The following SPTA1 variants were observed in gnomAD, a reference collection of about 807,000 sequenced individuals.
SPTA1 encodes spectrin alpha, erythrocytic 1, also known as spectrin alpha chain, erythrocytic 1.
Under a neutral mutation model 324.7 loss-of-function variants are expected in SPTA1, and 177 were observed. The observed-to-expected ratio is 0.55, with a 90% CI of 0.48 to 0.62. The LOEUF (loss-of-function observed/expected upper bound fraction) is 0.62. Among genes scored for constraint, SPTA1 ranks in the 20% least tolerant of loss-of-function variants. SPTA1 has a pLI of 0.00. For synonymous variants in SPTA1, 1,195 were observed against 1,041.3 expected (o/e 1.15, Z -2.84); for missense variants, 3,162 against 2,883.6 (o/e 1.10, Z -2.21).
intron 30 of SPTA1, among the ~76,000 whole-genome samples, 155 bp from the exon 31 acceptor site, chr1:158,643,580 C>T (rs1231239670): frequency 6.6e-6 from 1 of 152,106 alleles, no homozygotes; most frequent in East Asian, 1.9e-4. Context: ...AGGTGGGTTT[C>T]AACTTAATAG....
At chr1:158,651,945 C>T (rs1205155116) in intron 23 of SPTA1, among the ~76,000 whole-genome samples, 1 of 149,680 alleles carries the variant, frequency 6.7e-6, no homozygotes, top group Non-Finnish European at 1.5e-5. Flanking sequence ...GTGTTAAATC[C>T]CACGTGGAAG....
rs1253079860 is a variant in SPTA1 at position 158,681,557 on chromosome 1, A to G, written c.501T>C (p.Cys167=). The G allele has an allele frequency of 6.2e-7, 1 of 1,613,740 alleles. No individual in the cohort carries two copies. Among genetic ancestry groups the G allele is most frequent in the African/African-American group, 1.3e-5 (1 of 75,008 alleles). ...CTCCAATCCACTCTAAGATGTCAGC[A>G]CACTCCTGTACATACTGCTGGAACT... ...ALKFQQYVQE[C]ADILEWIGDK... The change falls in exon 4 of 52, where the codon TGT becomes TGC. Residue 167 remains cysteine, a synonymous_variant. Transcript: ENST00000643759.
chr1:158,615,521 GA>G, intron 47 of SPTA1, 118 bp from the exon 48 acceptor site: 1 of 1,024,256 alleles, frequency 9.8e-7, no homozygotes, highest in Non-Finnish European at 1.5e-6. Flanking sequence ...TGTTCTCTGT[GA>G]AAAGATGAAC....
Position 158,634,611 on chromosome 1 carries a change from C to T in SPTA1, c.5497G>A (p.Ala1833Thr), listed in dbSNP as rs1557937914. The change falls in exon 39 of 52, where the codon GCT (alanine) becomes ACT (threonine). Residue 1833 changes from alanine (A) to threonine (T), a missense_variant. Transcript: ENST00000643759. ...AAAGCATTCTTTTCATTGATCCAAGCTTCCTCTTCCTCAGCATTCTGCATG... is the reference window on the plus strand; with the variant it reads ...AAAGCATTCTTTTCATTGATCCAAGTTTCCTCTTCCTCAGCATTCTGCATG... ...QFMQNAEEEEAWINEKNALAV... is the reference protein window; with the variant it reads ...QFMQNAEEEETWINEKNALAV... 6.2e-7 allele frequency: 1 copy of T among 1,614,178 alleles called. No homozygotes were observed.
chr1:158,624,265 G>T (rs892252905), intron 42 of SPTA1, among the ~76,000 whole-genome samples: 1 of 152,134 alleles, frequency 6.6e-6, no homozygotes, highest in African/African-American at 2.4e-5. Context: ...CTCCAGAATG[G>T]TAGATCCACC....
intron 25 of SPTA1, among the ~76,000 whole-genome samples, chr1:158,649,201 G>A (rs6675810): frequency 0.073 from 11,054 of 152,270 alleles, 535 homozygotes; most frequent in Non-Finnish European, 0.11. Context: ...TCAATGTGAT[G>A]TCTGTTGCCC....
At chr1:158,654,399 T>C (rs1652678112) in intron 21 of SPTA1, among the ~76,000 whole-genome samples, 1 of 152,228 alleles carries the variant, frequency 6.6e-6, no homozygotes, top group African/African-American at 2.4e-5. Context: ...TTTATGATTT[T>C]AACTGCAACA....
chr1:158,662,410 A>G (rs1653285314), intron 17 of SPTA1, among the ~76,000 whole-genome samples: 1 of 152,156 alleles, frequency 6.6e-6, no homozygotes, highest in South Asian at 2.1e-4. Context: ...GGCATTAACC[A>G]TGACTGTTCA....
At position 158,623,085 on chromosome 1, in the gene SPTA1, A is replaced by G. The variant is rs781446333; in HGVS notation, c.6018T>C (p.Ile2006=). 5 of 1,614,126 alleles carry G rather than the reference A, an allele frequency of 3.1e-6. No homozygotes were observed. Among genetic ancestry groups the G allele is most frequent in the Non-Finnish European group, 2.5e-6 (3 of 1,180,020 alleles). ...TCAGCAGAGCGGCATAACGCTCTTC[A>G]ATGGCTTTAGACTGGTTGTGTTGAG... ...ISAQHNQSKA[I]EERYAALLKR... is the part of the protein sequence containing the mutation. Residue 2006 remains isoleucine (I), a synonymous_variant, in exon 43 of 52, where the codon ATT becomes ATC. Coordinates refer to ENST00000643759, the MANE Select transcript of SPTA1 (RefSeq NM_003126.4).
rs574453760 is a variant in SPTA1 at position 158,613,662 on chromosome 1, G to C, written c.6989+59C>G. On this transcript the variant is annotated intron_variant, in intron 50 of 51. Coordinates refer to ENST00000643759, the MANE Select transcript of SPTA1 (RefSeq NM_003126.4). ...TGTTTTATGGATCATTTTACTCTCT[G>C]TGCTTCTCCCTCCAAACCCCCATCC... is the stretch of plus-strand genomic sequence containing the variant. 1.3e-5 allele frequency: 21 copies of C among 1,608,244 alleles called. No homozygotes were observed. In the African/African-American group the frequency reaches 2.1e-4, roughly 16 times the overall value.
At chr1:158,631,260 T>C (rs1650654005) in intron 39 of SPTA1, among the ~76,000 whole-genome samples, 1 of 152,190 alleles carries the variant, frequency 6.6e-6, no homozygotes, top group Non-Finnish European at 1.5e-5. Flanking sequence ...ATATACATCA[T>C]GGAATAGTAC....
rs370225620 is a variant in SPTA1 at position 158,639,426 on chromosome 1, G to A, written c.4980+156C>T. On this transcript the variant is annotated intron_variant, in intron 35 of 51. Transcript: ENST00000643759. ...CAGTGACAGTTTTAATGTCTTCACAGCCCGTTAATTTTACCTAATTAAAAT... is the reference window on the plus strand; with the variant it reads ...CAGTGACAGTTTTAATGTCTTCACAACCCGTTAATTTTACCTAATTAAAAT... 205 of 731,734 alleles carry A rather than the reference G, an allele frequency of 2.8e-4. No individual in the cohort carries two copies. In the African/African-American group the frequency reaches 3.0e-3, roughly 11 times the overall value. The allele number at this position is 731,734 out of a possible 1,614,324, so 45.3% of individuals were successfully genotyped here.
chr1:158,645,717 T>G, intron 27 of SPTA1, 123 bp from the exon 28 acceptor site: 1 of 1,022,818 alleles, frequency 9.8e-7, no homozygotes. Context: ...TCTGGCTTTA[T>G]ATGCTTTACA....
intron 21 of SPTA1, 67 bp from the exon 22 acceptor site, chr1:158,653,492 A>C (rs1370170720): frequency 3.3e-5 from 53 of 1,595,960 alleles, no homozygotes; most frequent in Middle Eastern, 3.8e-4. Flanking sequence ...GAGAGACTTC[A>C]ACACTAAGTC....
At chr1:158,661,508 T>C in intron 17 of SPTA1, 99 bp from the exon 18 acceptor site, 4 of 1,510,568 alleles carry the variant, frequency 2.6e-6, no homozygotes, top group Non-Finnish European at 3.7e-6. Flanking sequence ...GTTCTTTCCT[T>C]TGAAGTTCTA....
rs776969524 is a variant in SPTA1, at chr1:158,626,944, T to A, written c.5728A>T (p.Thr1910Ser). The change falls in exon 41 of 52, where the codon ACC becomes TCC. Residue 1910 changes from threonine (T) to serine (S), a missense_variant. Transcript: ENST00000643759. The part of the protein sequence containing the change: ...SSKIEALNEK[T>S]PSLAKAIAAW... ...GCTATTGCCTTAGCCAGAGAAGGGG[T>A]CTTTTCATTCAGAGCCTCTATCTTG... The A allele has an allele frequency of 1.9e-5, 31 of 1,613,890 alleles. No homozygotes were observed. Among genetic ancestry groups the A allele is most frequent in the Non-Finnish European group, 2.6e-5 (31 of 1,179,852 alleles).
chr1:158,635,659 G>A (rs1440497649), intron 38 of SPTA1, among the ~76,000 whole-genome samples: 1 of 152,198 alleles, frequency 6.6e-6, no homozygotes, highest in African/African-American at 2.4e-5. Flanking sequence ...ACACATGTAG[G>A]AAAACAATAG....
Position 158,612,939 on chromosome 1 carries a change from C to T in SPTA1, c.7012G>A (p.Asp2338Asn), listed in dbSNP as rs1571366554. ...PGRKGYVSLE[D>N]YTAFLIDKES... is the part of the protein sequence containing the mutation. ...TTGTCAATCAGGAAAGCAGTATAGT[C>T]CTCCAGTGAGACATAGCCCTTCCTG... The change falls in exon 51 of 52, where the codon GAC (aspartate) becomes AAC (asparagine). Residue 2338 changes from aspartate (D) to asparagine (N), a missense_variant. Transcript: ENST00000643759. 1 of 1,613,878 alleles carries T rather than the reference C, an allele frequency of 6.2e-7. No homozygotes were observed. The highest frequency in any genetic ancestry group is 8.5e-7 in the Non-Finnish European group (1 of 1,179,878).
Position 158,683,457 on chromosome 1 carries a change from G to T in SPTA1, c.304C>A (p.Gln102Lys). Residue 102 changes from glutamine (Q) to lysine (K), a missense_variant, in exon 3 of 52, where the codon CAA (glutamine) becomes AAA (lysine). Physicochemically the swap from Gln to Lys is moderately conservative, Grantham distance 53. Transcript: ENST00000643759. Reference protein sequence around the residue: ...QKHQSLEAEVQTKSRLMSELE... With the variant: ...QKHQSLEAEVKTKSRLMSELE... ...TCAGACATGAGTCTTGATTTTGTTTGCACCTCTGCTTCAAGGGATTGATGC... is the reference window on the plus strand; with the variant it reads ...TCAGACATGAGTCTTGATTTTGTTTTCACCTCTGCTTCAAGGGATTGATGC... 6.2e-7 allele frequency: 1 copy of T among 1,613,154 alleles called. No individual in the cohort carries two copies. Among genetic ancestry groups the T allele is most frequent in the South Asian group, 1.1e-5 (1 of 91,066 alleles).
Sources: allele counts gnomAD v4.1 joint callset (sites outside exome capture counted in the v4.1 genomes callset), GRCh38; gene constraint gnomAD v4.1.1; transcripts MANE v1.5; gene names NCBI Gene and HGNC (gene_info 2026-07-23, HGNC 2026-07-21).